Variants in SLC25A12 observed in about 807,000 individuals in gnomAD.
SLC25A12 encodes the protein electrogenic aspartate/glutamate antiporter SLC25A12, mitochondrial.
A neutral mutation model predicts 83.3 loss-of-function variants in SLC25A12; 32 were observed. The ratio of observed to expected loss-of-function variants is 0.38; its 90% CI spans 0.29 to 0.52. The LOEUF (loss-of-function observed/expected upper bound fraction) is 0.52, where lower values mean the gene tolerates loss of function less well. SLC25A12 is among the 20% of genes least tolerant of loss of function. The pLI, the probability that SLC25A12 is intolerant of heterozygous loss-of-function variation, is 0.84. For synonymous variants in SLC25A12, 267 were observed against 291.1 expected (o/e 0.92, Z 0.84); for missense variants, 611 against 835.6 (o/e 0.73, Z 3.31).
rs756455673 is a variant in SLC25A12, at chr2:171,787,914, T to C, written c.1619A>G (p.Asp540Gly). 2 of 1,614,100 alleles carry C rather than the reference T, an allele frequency of 1.2e-6. No individual in the cohort carries two copies. Among genetic ancestry groups the C allele is most frequent in the Admixed American group, 3.3e-5 (2 of 60,014 alleles). The change falls in exon 16 of 18, where the codon GAT (aspartate) becomes GGT (glycine). Residue 540 changes from aspartate to glycine, a missense_variant. Transcript: ENST00000422440. Reference sequence around the variant, plus strand: ...CACCTGCAGTCTTGTCTTGATGACATCAGCAGGGGTCACCAGAGATGCAGC... The same window carrying C: ...CACCTGCAGTCTTGTCTTGATGACACCAGCAGGGGTCACCAGAGATGCAGC... ...VPAASLVTPA[D>G]VIKTRLQVAA...
intron 14 of SLC25A12, 71 bp from the exon 15 acceptor site, chr2:171,791,660 G>A: frequency 6.9e-7 from 1 of 1,442,742 alleles, no homozygotes; most frequent in Non-Finnish European, 9.8e-7. Flanking sequence ...GGATCCATGT[G>A]ACATTTGTCA....
chr2:171,856,910 A>G (rs1008002704), intron 3 of SLC25A12, among the ~76,000 whole-genome samples: 1 of 152,252 alleles, frequency 6.6e-6, no homozygotes, highest in African/African-American at 2.4e-5. Context: ...TGAGACACTT[A>G]CAAATGAAAT....
chr2:171,842,309 T>C (rs1684696879), intron 5 of SLC25A12, among the ~76,000 whole-genome samples: 1 of 151,890 alleles, frequency 6.6e-6, no homozygotes, highest in South Asian at 2.1e-4. Context: ...TTCATATTGT[T>C]TGGCCAGGCG....
chr2:171,785,923 C>A (rs932312531), intron 17 of SLC25A12, among the ~76,000 whole-genome samples: 1 of 152,012 alleles, frequency 6.6e-6, no homozygotes, highest in African/African-American at 2.4e-5. Flanking sequence ...AGCCACCACA[C>A]CCAGGCTGGT....
intron 3 of SLC25A12, among the ~76,000 whole-genome samples, chr2:171,867,474 A>G (rs911260491): frequency 2.0e-5 from 3 of 152,210 alleles, no homozygotes; most frequent in Non-Finnish European, 4.4e-5. Flanking sequence ...CCACCAAAAA[A>G]ATACGAAAAC....
intron 9 of SLC25A12, among the ~76,000 whole-genome samples, chr2:171,817,552 G>C (rs751323148): frequency 8.4e-6 from 1 of 118,730 alleles, no homozygotes; most frequent in Admixed American, 1.2e-4. Flanking sequence ...TGTGAGCTGA[G>C]ATCACATCAC....
intron 9 of SLC25A12, among the ~76,000 whole-genome samples, chr2:171,818,350 CA>C (rs768521973): frequency 6.6e-6 from 1 of 151,998 alleles, no homozygotes; most frequent in Non-Finnish European, 1.5e-5. Flanking sequence ...TTTTTCAAAA[CA>C]AGAGTTGAGA....
chr2:171,816,325 C>CA (rs1400227858), intron 9 of SLC25A12, among the ~76,000 whole-genome samples: 2 of 152,030 alleles, frequency 1.3e-5, no homozygotes, highest in Non-Finnish European at 2.9e-5. Context: ...CTCAACCTCC[C>CA]AAAGTGCTGG....
At chr2:171,873,230 C>T (rs1685494209) in intron 2 of SLC25A12, among the ~76,000 whole-genome samples, 2 of 152,118 alleles carry the variant, frequency 1.3e-5, no homozygotes, top group African/African-American at 4.8e-5. Flanking sequence ...AGGCAGATCA[C>T]GAGGTCAGGA....
chr2:171,840,416 C>T (rs1004469140), intron 5 of SLC25A12, among the ~76,000 whole-genome samples: 3 of 150,844 alleles, frequency 2.0e-5, no homozygotes, highest in Non-Finnish European at 4.4e-5. Context: ...AAAACAGAGA[C>T]CCAAACAAAG....
intron 10 of SLC25A12, 146 bp downstream of exon 10, chr2:171,814,975 A>G: frequency 1.4e-6 from 1 of 693,248 alleles, no homozygotes; most frequent in Non-Finnish European, 2.7e-6. Context: ...TCTCCTGATC[A>G]TAGGTAAAAA....
chr2:171,847,115 G>A (rs1684813498), intron 4 of SLC25A12, among the ~76,000 whole-genome samples: 2 of 151,890 alleles, frequency 1.3e-5, no homozygotes, highest in Admixed American at 1.3e-4. Flanking sequence ...TATATGCTGT[G>A]GTTTATTTAC....
At chr2:171,791,651 G>A (rs1683464160) in intron 14 of SLC25A12, 62 bp from the exon 15 acceptor site, 1 of 1,485,890 alleles carries the variant, frequency 6.7e-7, no homozygotes. Flanking sequence ...GCCCAAATGG[G>A]ATCCATGTGA....
intron 11 of SLC25A12, among the ~76,000 whole-genome samples, chr2:171,811,299 A>T (rs1683940744): frequency 6.6e-6 from 1 of 152,176 alleles, no homozygotes; most frequent in African/African-American, 2.4e-5. Context: ...TCAATGATAC[A>T]CACAAAGCCT....
At chr2:171,819,404 A>G (rs1476286816) in intron 9 of SLC25A12, among the ~76,000 whole-genome samples, 10 of 43,938 alleles carry the variant, frequency 2.3e-4, no homozygotes, top group African/African-American at 3.6e-4. Flanking sequence ...ATATAATTAT[A>G]TAAGTATATA....
At chr2:171,841,853 G>A (rs1207621772) in intron 5 of SLC25A12, among the ~76,000 whole-genome samples, 1 of 152,212 alleles carries the variant, frequency 6.6e-6, no homozygotes, top group African/African-American at 2.4e-5. Flanking sequence ...AGGTAAAAGT[G>A]AAGGGTGATC....
chr2:171,843,856 T>C (rs984070153), intron 5 of SLC25A12, among the ~76,000 whole-genome samples: 4 of 135,864 alleles, frequency 2.9e-5, no homozygotes, highest in Non-Finnish European at 3.1e-5. Context: ...AGTGCAGTGG[T>C]GTGATCCCAG....
chr2:171,788,084 T>A, intron 15 of SLC25A12, 137 bp from the exon 16 acceptor site: 1 of 818,474 alleles, frequency 1.2e-6, no homozygotes, highest in Non-Finnish European at 2.0e-6. Context: ...GTCTGGCCAT[T>A]AATGGGAAAA....
In SLC25A12 at chr2:171,813,433, G is replaced by A; in HGVS notation, c.1077C>T (p.Gly359=). ...LVKTRMQNQR[G]SGSVVGELMY... ...TTAGCTCCCCAACAACAGAGCCAGA[G>A]CCACGCTGGTTTTGCATTCGGGTCT... The change falls in exon 11 of 18, where the codon GGC becomes GGT. Residue 359 remains glycine, a synonymous_variant. Coordinates refer to ENST00000422440, the MANE Select transcript of SLC25A12 (RefSeq NM_003705.5). 2 of 1,614,062 alleles carry A rather than the reference G, an allele frequency of 1.2e-6. No homozygotes were observed. Among genetic ancestry groups the A allele is most frequent in the East Asian group, 2.2e-5 (1 of 44,882 alleles).
Sources: allele counts gnomAD v4.1 joint callset (sites outside exome capture counted in the v4.1 genomes callset), GRCh38; gene constraint gnomAD v4.1.1; transcripts MANE v1.5; gene names NCBI Gene and HGNC (gene_info 2026-07-23, HGNC 2026-07-21).